Variants in ARHGEF28 observed in about 807,000 individuals in gnomAD.
ARHGEF28 encodes 190 kDa guanine nucleotide exchange factor.
ARHGEF28 carries 152 observed loss-of-function variants against 206.6 expected under a neutral mutation model. That is an observed-to-expected ratio of 0.74 (90% confidence interval 0.64 to 0.84). The LOEUF is 0.84. Among genes scored for constraint, ARHGEF28 ranks in the 40% least tolerant of loss-of-function variants. The probability of loss-of-function intolerance (pLI) is 0.00; values close to 1 mark genes in which losing one functional copy is unlikely to be tolerated. For missense variants in ARHGEF28, 2,028 were observed against 2,073.2 expected (o/e 0.98, Z 0.42); for synonymous variants, 763 against 776.4 (o/e 0.98, Z 0.29).
intron 10 of ARHGEF28, among the ~76,000 whole-genome samples, chr5:73,837,905 C>A (rs565128325): frequency 6.6e-6 from 1 of 152,196 alleles, no homozygotes; most frequent in East Asian, 1.9e-4. Flanking sequence ...TGACACCCGG[C>A]TAATTTTGGT....
rs577660118 is a variant in ARHGEF28, at chr5:73,698,927, G to C, written c.33+14043G>C. Among the ~76,000 whole-genome samples the C allele has an allele frequency of 1.8e-4, 28 of 152,050 alleles. 1 individual carries two copies. The highest frequency in any genetic ancestry group is 6.7e-4 in the African/African-American group (28 of 41,488). On this transcript the variant is annotated intron_variant, in intron 2 of 35. Coordinates refer to ENST00000513042, the MANE Select transcript of ARHGEF28 (RefSeq NM_001177693.2). ...GGTTGCTGTGAGCCTGGGAGAGGAG[G>C]CTGGAGCCATCACACTTCTGGTGAG...
chr5:73,780,595 C>G (rs1753784931), intron 6 of ARHGEF28, 81 bp from the exon 7 acceptor site: 1 of 1,382,300 alleles, frequency 7.2e-7, no homozygotes, highest in East Asian at 2.5e-5. Context: ...TTGATAGTGA[C>G]TTTTGCCTCT....
chr5:73,638,114 A>G (rs549476179), intron 1 of ARHGEF28, among the ~76,000 whole-genome samples: 1 of 152,360 alleles, frequency 6.6e-6, no homozygotes, highest in African/African-American at 2.4e-5. Context: ...CTTGCTTTAA[A>G]ACTATTATTT....
intron 1 of ARHGEF28, among the ~76,000 whole-genome samples, chr5:73,671,466 C>T (rs17552137): frequency 0.18 from 27,695 of 151,696 alleles, 2,922 homozygotes; most frequent in Non-Finnish European, 0.24. Context: ...CTTTTGTACC[C>T]GCCAGTTCAG....
intron 14 of ARHGEF28, among the ~76,000 whole-genome samples, chr5:73,857,270 T>A (rs931822425): frequency 2.6e-5 from 4 of 152,190 alleles, no homozygotes; most frequent in Non-Finnish European, 5.9e-5. Flanking sequence ...TCTGGGGAAT[T>A]CTTACTAGCA....
chr5:73,662,478 G>A (rs1745671444), intron 1 of ARHGEF28, among the ~76,000 whole-genome samples: 1 of 152,166 alleles, frequency 6.6e-6, no homozygotes, highest in Non-Finnish European at 1.5e-5. Flanking sequence ...TGCCTGGAAA[G>A]AGAAAACCTT....
intron 14 of ARHGEF28, 74 bp from the exon 15 acceptor site, chr5:73,857,582 C>CAT: frequency 7.1e-7 from 1 of 1,399,180 alleles, no homozygotes; most frequent in Admixed American, 2.3e-5. Context: ...CACACACACA[C>CAT]ACACATACAC....
At chr5:73,800,269 G>A (rs1250571982) in intron 9 of ARHGEF28, among the ~76,000 whole-genome samples, 2 of 152,092 alleles carry the variant, frequency 1.3e-5, no homozygotes, top group Non-Finnish European at 2.9e-5. Flanking sequence ...ATTATAGAAA[G>A]TAACTTAAAA....
At chr5:73,808,055 A>G (rs1755619513) in intron 9 of ARHGEF28, among the ~76,000 whole-genome samples, 1 of 152,074 alleles carries the variant, frequency 6.6e-6, no homozygotes, top group African/African-American at 2.4e-5. Context: ...GTGCACATAA[A>G]TGTTTTTGTT....
intron 9 of ARHGEF28, 70 bp from the exon 10 acceptor site, chr5:73,832,265 TAAG>T: frequency 6.4e-7 from 1 of 1,553,818 alleles, no homozygotes; most frequent in South Asian, 1.2e-5. Flanking sequence ...TCTTATGGTC[TAAG>T]AAGGTAAAGC....
intron 35 of ARHGEF28, among the ~76,000 whole-genome samples, chr5:73,937,318 A>G (rs556133480): frequency 2.0e-5 from 3 of 152,108 alleles, no homozygotes; most frequent in Non-Finnish European, 4.4e-5. Context: ...GCAGAGGCTG[A>G]AATTTTAGTT....
rs935628737 is a variant in ARHGEF28, at chr5:73,774,892, GTAT to G, written c.659+861_659+863del. On this transcript the variant is annotated intron_variant, in intron 5 of 35. Transcript: ENST00000513042. ...TACATAAATATTAAATATTATTAGA[GTAT>G]TATTATGTGGCATGTTCAAATGGAC... Among the ~76,000 whole-genome samples, 6 of 152,162 alleles carry G rather than the reference GTAT, an allele frequency of 3.9e-5. No homozygotes were observed. In the East Asian group the frequency reaches 7.7e-4, roughly 20 times the overall value.
At chr5:73,880,355 G>A (rs545371288) in intron 22 of ARHGEF28, among the ~76,000 whole-genome samples, 1 of 152,290 alleles carries the variant, frequency 6.6e-6, no homozygotes, top group South Asian at 2.1e-4. Flanking sequence ...CCAGGAAAGG[G>A]AACTCCCTGA....
intron 1 of ARHGEF28, among the ~76,000 whole-genome samples, chr5:73,640,989 G>C (rs1744040816): frequency 2.0e-5 from 3 of 152,148 alleles, no homozygotes; most frequent in Admixed American, 2.0e-4. Flanking sequence ...GAAAAATGTG[G>C]AGCCAATTCA....
intron 16 of ARHGEF28, 30 bp downstream of exon 16, chr5:73,858,249 T>A: frequency 6.5e-7 from 1 of 1,540,190 alleles, no homozygotes; most frequent in Non-Finnish European, 8.7e-7. Context: ...TGCGCTGTCT[T>A]TGTTTTCATC....
At chr5:73,743,692 A>C (rs1383297882) in intron 2 of ARHGEF28, among the ~76,000 whole-genome samples, 1 of 152,118 alleles carries the variant, frequency 6.6e-6, no homozygotes, top group Non-Finnish European at 1.5e-5. Flanking sequence ...TTTTTGATTC[A>C]CATGTTCTTT....
intron 8 of ARHGEF28, among the ~76,000 whole-genome samples, chr5:73,794,790 A>G (rs548688731): frequency 6.6e-6 from 1 of 152,240 alleles, no homozygotes; most frequent in South Asian, 2.1e-4. Flanking sequence ...TATTTCTAGT[A>G]GAGATGGGGT....
At chr5:73,627,838 G>T (rs1384295956) in intron 1 of ARHGEF28, among the ~76,000 whole-genome samples, 1 of 152,060 alleles carries the variant, frequency 6.6e-6, no homozygotes, top group African/African-American at 2.4e-5. Flanking sequence ...TGAATGTCTT[G>T]GGTAATGGGA....
At chr5:73,887,811 C>A in intron 26 of ARHGEF28, 132 bp downstream of exon 26, 1 of 747,128 alleles carries the variant, frequency 1.3e-6, no homozygotes. Context: ...TCCATTATTA[C>A]TTGTGATTGC....
Sources: gnomAD v4.1 joint callset for allele counts (sites outside exome capture counted in the v4.1 genomes callset) on GRCh38, gnomAD v4.1.1 for gene constraint, MANE v1.5 for transcripts, NCBI Gene and HGNC (gene_info 2026-07-23, HGNC 2026-07-21) for gene names.